SPIDR: variants seen among roughly 807,000 people sequenced by gnomAD.
SPIDR encodes the protein scaffold protein involved in DNA repair.
SPIDR carries 93 observed loss-of-function variants against 104.6 expected under a neutral mutation model. The ratio of observed to expected loss-of-function variants is 0.89; its 90% CI spans 0.75 to 1.06. SPIDR has a LOEUF of 1.06. Among genes scored for constraint, SPIDR ranks in the 50% least tolerant of loss-of-function variants. The pLI is 0.00. For synonymous variants in SPIDR, 431 were observed against 416.9 expected (o/e 1.03, Z -0.41); for missense variants, 1,154 against 1,111.2 (o/e 1.04, Z -0.55).
At chr8:47,356,279 T>G (rs2054523011) in intron 5 of SPIDR, among the ~76,000 whole-genome samples, 1 of 152,234 alleles carries the variant, frequency 6.6e-6, no homozygotes, top group South Asian at 2.1e-4. Context: ...TCTACTTTTA[T>G]GAAACAGTTT....
chr8:47,265,600 C>T (rs1386632965), intron 1 of SPIDR, among the ~76,000 whole-genome samples: 5 of 152,076 alleles, frequency 3.3e-5, no homozygotes, highest in African/African-American at 1.2e-4. Flanking sequence ...TAAGGGAAAA[C>T]ATGTTTTCTT....
At chr8:47,589,581 A>G (rs989497973) in intron 8 of SPIDR, among the ~76,000 whole-genome samples, 1 of 152,112 alleles carries the variant, frequency 6.6e-6, no homozygotes, top group Non-Finnish European at 1.5e-5. Flanking sequence ...GGCTATTCAA[A>G]TAATCTGTTT....
chr8:47,587,890 A>T (rs983641611), intron 8 of SPIDR, among the ~76,000 whole-genome samples: 13 of 150,716 alleles, frequency 8.6e-5, no homozygotes, highest in Admixed American at 2.7e-4. Context: ...CTTCAATAAC[A>T]CCATATAATA....
intron 8 of SPIDR, among the ~76,000 whole-genome samples, chr8:47,466,874 G>A (rs2074871320): frequency 9.5e-6 from 1 of 104,940 alleles, no homozygotes; most frequent in Non-Finnish European, 1.9e-5. Flanking sequence ...AGATCTAGGA[G>A]TTAGTTTTTT....
At chr8:47,704,796 C>T (rs1341665153) in intron 14 of SPIDR, among the ~76,000 whole-genome samples, 2 of 152,178 alleles carry the variant, frequency 1.3e-5, no homozygotes, top group Non-Finnish European at 2.9e-5. Flanking sequence ...TCCCTGTGAG[C>T]ACCCCAGTGT....
intron 5 of SPIDR, among the ~76,000 whole-genome samples, chr8:47,376,158 T>C (rs2058642902): frequency 6.6e-6 from 1 of 152,212 alleles, no homozygotes; most frequent in Non-Finnish European, 1.5e-5. Context: ...AAGAGCCAGT[T>C]ACAGGAACTG....
rs1213076571 is a variant in SPIDR, at chr8:47,269,517, A to G, written c.33+8526A>G. 3.3e-5 allele frequency among the ~76,000 whole-genome samples: 5 copies of G among 151,364 alleles called. 1 individual carries two copies. Among genetic ancestry groups the G allele is most frequent in the South Asian group, 4.2e-4 (2 of 4,792 alleles). On this transcript the variant is annotated intron_variant, in intron 1 of 19. Transcript: ENST00000297423. Reference sequence around the variant, plus strand: ...ATGATCCGCCCACCTTGGCCTCCCAAAGTTCTGGGATTACAGGCGTGAGCC... The same window carrying G: ...ATGATCCGCCCACCTTGGCCTCCCAGAGTTCTGGGATTACAGGCGTGAGCC...
chr8:47,616,993 G>A (rs1588434967), intron 10 of SPIDR, among the ~76,000 whole-genome samples: 1 of 152,134 alleles, frequency 6.6e-6, no homozygotes, highest in South Asian at 2.1e-4. Flanking sequence ...CAATTTTGAG[G>A]ATTACTGGAC....
chr8:47,727,244 G>GTGTGTGACA lies in SPIDR; in HGVS notation c.2393_2401dup (p.Asp798_Cys800dup). On this transcript the variant is annotated inframe_insertion, in exon 17 of 20. Coordinates refer to ENST00000297423, the MANE Select transcript of SPIDR (RefSeq NM_001080394.4). ...CGAGAGCACTGCTTTCTCATGGCCT[G>GTGTGTGACA]TGTGTGACATGTGTGGCAACGGGAG... 6.2e-7 allele frequency: 1 copy of GTGTGTGACA among 1,614,142 alleles called. No individual in the cohort carries two copies. The highest frequency in any genetic ancestry group is 8.5e-7 in the Non-Finnish European group (1 of 1,180,018).
chr8:47,511,225 C>T, intron 8 of SPIDR: 2 of 1,590,200 alleles, frequency 1.3e-6, no homozygotes, highest in Non-Finnish European at 1.7e-6. Context: ...CTGCACCAGC[C>T]TCCCACCGTC....
intron 5 of SPIDR, among the ~76,000 whole-genome samples, chr8:47,308,791 C>T (rs2043586478): frequency 1.3e-5 from 2 of 152,312 alleles, no homozygotes; most frequent in South Asian, 2.1e-4. Context: ...TCCTTTTTGC[C>T]TGTCCTTGGT....
intron 11 of SPIDR, among the ~76,000 whole-genome samples, chr8:47,676,504 A>C (rs943922779): frequency 7.0e-6 from 1 of 142,414 alleles, no homozygotes; most frequent in African/African-American, 2.4e-5. Flanking sequence ...CCCAGTAAAC[A>C]CAACATTCTC....
chr8:47,637,723 G>C (rs2068179670), intron 10 of SPIDR, among the ~76,000 whole-genome samples: 1 of 152,172 alleles, frequency 6.6e-6, no homozygotes, highest in East Asian at 1.9e-4. Context: ...GTCAACATGA[G>C]TTCCTGCTGT....
intron 10 of SPIDR, among the ~76,000 whole-genome samples, chr8:47,644,419 C>A (rs530185684): frequency 6.6e-6 from 1 of 152,316 alleles, no homozygotes; most frequent in African/African-American, 2.4e-5. Context: ...AATCGTGTTA[C>A]CTTCATTTAC....
intron 10 of SPIDR, among the ~76,000 whole-genome samples, chr8:47,644,863 G>A (rs2069990870): frequency 6.6e-6 from 1 of 152,204 alleles, no homozygotes; most frequent in Non-Finnish European, 1.5e-5. Context: ...CCTAACGGAT[G>A]AAGTGGAGTC....
At chr8:47,363,909 ACT>A (rs782462442) in intron 5 of SPIDR, among the ~76,000 whole-genome samples, 8 of 145,454 alleles carry the variant, frequency 5.5e-5, no homozygotes, top group Non-Finnish European at 9.0e-5. Context: ...AAATCACATC[ACT>A]CTCTTCTAGC....
intron 5 of SPIDR, among the ~76,000 whole-genome samples, chr8:47,385,502 T>C (rs1218083448): frequency 2.0e-5 from 3 of 152,248 alleles, no homozygotes; most frequent in African/African-American, 4.8e-5. Context: ...TGTAAGAGAA[T>C]TGATAGGTTA....
chr8:47,289,502 A>T, intron 3 of SPIDR, among the ~76,000 whole-genome samples: 1 of 152,250 alleles, frequency 6.6e-6, no homozygotes, highest in East Asian at 1.9e-4. Flanking sequence ...TTTCTGACCA[A>T]TATCAGAAAA....
Position 47,713,473 on chromosome 8 carries a change from GTGTCTC to G in SPIDR, c.2189-11_2189-6del. 1 of 1,614,058 alleles carries G rather than the reference GTGTCTC, an allele frequency of 6.2e-7. No homozygotes were observed. Among genetic ancestry groups the G allele is most frequent in the Non-Finnish European group, 8.5e-7 (1 of 1,179,938 alleles). ...TTCTTCAAGGCTTCAATAACCTGAA[GTGTCTC>G]TGTCGGCAGGTCGGATTGTTTGTGC... On this transcript the variant is annotated splice_polypyrimidine_tract_variant and intron_variant, in intron 15 of 19. Coordinates refer to ENST00000297423, the MANE Select transcript of SPIDR (RefSeq NM_001080394.4).
Sources: gnomAD v4.1 joint callset for allele counts (sites outside exome capture counted in the v4.1 genomes callset) on GRCh38, gnomAD v4.1.1 for gene constraint, MANE v1.5 for transcripts, NCBI Gene and HGNC (gene_info 2026-07-23, HGNC 2026-07-21) for gene names.